PIAS1: variants seen among roughly 807,000 people sequenced by gnomAD.
PIAS1 encodes E3 SUMO-protein ligase PIAS1.
Under a neutral mutation model 71.3 loss-of-function variants are expected in PIAS1, and 6 were observed. The observed-to-expected ratio is 0.08, with a 90% CI of 0.05 to 0.17. The LOEUF is 0.17. Ranked by LOEUF, PIAS1 falls within the 10% of genes least tolerant of loss-of-function variation. The pLI, the probability that PIAS1 is intolerant of heterozygous loss-of-function variation, is 1.00. For synonymous variants in PIAS1, 303 were observed against 292.9 expected (o/e 1.03, Z -0.35); for missense variants, 555 against 793.6 (o/e 0.70, Z 3.61).
At chr15:68,120,646 C>T (rs2092606090) in intron 2 of PIAS1, among the ~76,000 whole-genome samples, 1 of 152,030 alleles carries the variant, frequency 6.6e-6, no homozygotes, top group Non-Finnish European at 1.5e-5. Context: ...ATTTTACGTC[C>T]ATGTAAGTTT....
Position 68,161,223 on chromosome 15 carries a change from TGGGGATACATCACAC to T in PIAS1, c.935-3507_935-3493del, listed in dbSNP as rs1177950187. ...GTAACATCCAAAAATATGAAACACG[TGGGGATACATCACAC>T]AAACTATGTGCAAGATTTGTATGCC... is the stretch of plus-strand genomic sequence containing the variant. On this transcript the variant is annotated intron_variant, in intron 7 of 13. Transcript: ENST00000249636. Among the ~76,000 whole-genome samples, 20 of 152,244 alleles carry T rather than the reference TGGGGATACATCACAC, an allele frequency of 1.3e-4. No individual in the cohort carries two copies. The South Asian group carries it at 3.7e-3, about 28-fold the overall frequency.
chr15:68,109,383 A>T (rs1438089992), intron 2 of PIAS1, among the ~76,000 whole-genome samples: 2 of 152,210 alleles, frequency 1.3e-5, no homozygotes, highest in African/African-American at 4.8e-5. Context: ...ATTACAGTGT[A>T]AATGCCATAA....
At chr15:68,119,631 A>G (rs534159469) in intron 2 of PIAS1, among the ~76,000 whole-genome samples, 51 of 152,338 alleles carry the variant, frequency 3.3e-4, no homozygotes, top group African/African-American at 1.2e-3. Context: ...ATTTGAAAAA[A>G]TACACATTCT....
intron 2 of PIAS1, among the ~76,000 whole-genome samples, chr15:68,094,614 A>T (rs757274877): frequency 6.6e-6 from 1 of 152,010 alleles, no homozygotes; most frequent in African/African-American, 2.4e-5. Context: ...CTTTTTCCAC[A>T]TTCTTAATAT....
chr15:68,149,532 T>C (rs1216869204), intron 6 of PIAS1, among the ~76,000 whole-genome samples: 1 of 152,084 alleles, frequency 6.6e-6, no homozygotes, highest in Non-Finnish European at 1.5e-5. Flanking sequence ...CAAATCTTCT[T>C]TTATGTTCCT....
At position 68,134,374 on chromosome 15, in the gene PIAS1, C is replaced by A. The variant is rs1169766607; in HGVS notation, c.470-7572C>A. On this transcript the variant is annotated intron_variant, in intron 2 of 13. Transcript: ENST00000249636. ...TGGCCGGGCGGGGGGCTGACCCCCC[C>A]ACCTCCCTCCCAGACAGGGCGGCTG... Among the ~76,000 whole-genome samples, 3 of 42,298 alleles carry A rather than the reference C, an allele frequency of 7.1e-5. 1 individual carries two copies. The highest frequency in any genetic ancestry group is 5.5e-4 in the Admixed American group (3 of 5,436). 27.7% of individuals were successfully genotyped at this position (42,298 alleles called of 152,430 possible).
chr15:68,076,263 C>T (rs955359077), intron 1 of PIAS1, among the ~76,000 whole-genome samples: 1 of 152,116 alleles, frequency 6.6e-6, no homozygotes, highest in African/African-American at 2.4e-5. Flanking sequence ...GTAATCCTAT[C>T]ACTTTGGGAG....
rs2092278663 is a variant in PIAS1 at position 68,086,065 on chromosome 15, T to C, written c.25-241T>C. Among the ~76,000 whole-genome samples the C allele has an allele frequency of 1.3e-5, 2 of 152,238 alleles. No individual in the cohort carries two copies. The highest frequency in any genetic ancestry group is 4.8e-5 in the African/African-American group (2 of 41,470). On this transcript the variant is annotated intron_variant, in intron 1 of 13. Transcript: ENST00000249636. This position sits in a 1 kb window ranked among gnomAD's most constrained non-coding sequence, Gnocchi z 7.2. The stretch of plus-strand genomic sequence containing the variant: ...GTGTGGTTTTCCCTGGTGTATACTT[T>C]ATCCTATATTTCTTATAACCAAGGG...
At chr15:68,144,131 A>AG (rs2092791451) in intron 4 of PIAS1, among the ~76,000 whole-genome samples, 1 of 151,844 alleles carries the variant, frequency 6.6e-6, no homozygotes, top group Non-Finnish European at 1.5e-5. Flanking sequence ...AAAAAAAAAA[A>AG]AAAAAGAACC....
At chr15:68,143,544 G>A (rs1431819725) in intron 4 of PIAS1, among the ~76,000 whole-genome samples, 1 of 152,054 alleles carries the variant, frequency 6.6e-6, no homozygotes. Flanking sequence ...GTTTTGGAAG[G>A]CACTGCTAAA....
chr15:68,125,243 G>A (rs1490824793), intron 2 of PIAS1, among the ~76,000 whole-genome samples: 2 of 151,860 alleles, frequency 1.3e-5, no homozygotes. Flanking sequence ...TAAGATGAAT[G>A]TCTAAATTCA....
intron 7 of PIAS1, among the ~76,000 whole-genome samples, chr15:68,154,365 T>G (rs182764986): frequency 1.1e-4 from 16 of 152,332 alleles, no homozygotes; most frequent in Admixed American, 8.5e-4. Context: ...AACTAAGTTC[T>G]TCGTTTATTC....
intron 2 of PIAS1, among the ~76,000 whole-genome samples, chr15:68,120,461 C>G (rs769140940): frequency 7.3e-5 from 11 of 151,658 alleles, no homozygotes; most frequent in Non-Finnish European, 1.0e-4. Context: ...CAATTTTTGT[C>G]TCCTTTGTTG....
rs142212280 is a variant in PIAS1 at position 68,081,135 on chromosome 15, C to T, written c.25-5171C>T. On this transcript the variant is annotated intron_variant, in intron 1 of 13. Coordinates refer to ENST00000249636, the MANE Select transcript of PIAS1 (RefSeq NM_016166.3). ...CTCTGTGTAGTTGGGACAGAGTTTG[C>T]GTACATATATATCTGTGTTTTTGTA... 4.6e-5 allele frequency among the ~76,000 whole-genome samples: 7 copies of T among 152,242 alleles called. No homozygotes were observed. In the East Asian group the frequency reaches 1.2e-3, roughly 25 times the overall value.
In PIAS1 at chr15:68,188,179, T is replaced by A. The variant is rs1379019739; in HGVS notation, c.*344T>A. On this transcript the variant is annotated 3_prime_UTR_variant, in exon 14 of 14. Transcript: ENST00000249636. ...ATTATTTGTCCTATGGTTTTGGTTT[T>A]ATTTGACTTCGATGGCATTATTTTA... 5.9e-6 allele frequency: 1 copy of A among 169,114 alleles called. No individual in the cohort carries two copies. The highest frequency in any genetic ancestry group is 5.9e-5 in the Admixed American group (1 of 16,818). 10.5% of individuals were successfully genotyped at this position (169,114 alleles called of 1,614,324 possible).
In PIAS1 at chr15:68,133,409, A is replaced by C. The variant is rs1595752413; in HGVS notation, c.470-8537A>C. Among the ~76,000 whole-genome samples the C allele has an allele frequency of 3.3e-5, 5 of 152,270 alleles. 1 individual carries two copies. Among genetic ancestry groups the C allele is most frequent in the African/African-American group, 1.2e-4 (5 of 41,580 alleles). Reference sequence around the variant, plus strand: ...TTGAGCTTTAAAAATCATAACAAAAAGATTTGGAAATTCATCTAGATGAAT... The same window carrying C: ...TTGAGCTTTAAAAATCATAACAAAACGATTTGGAAATTCATCTAGATGAAT... On this transcript the variant is annotated intron_variant, in intron 2 of 13. Transcript: ENST00000249636.
At position 68,148,922 on chromosome 15, in the gene PIAS1, G is replaced by A. The variant is rs185637932; in HGVS notation, c.828+2222G>A. On this transcript the variant is annotated intron_variant, in intron 6 of 13. Coordinates refer to ENST00000249636, the MANE Select transcript of PIAS1 (RefSeq NM_016166.3). ...GTGGCGATAGAAATGGAGGTAAGTAGGGGCATCTGCAGGATTGAGTGATGA... is the reference window on the plus strand; with the variant it reads ...GTGGCGATAGAAATGGAGGTAAGTAAGGGCATCTGCAGGATTGAGTGATGA... Among the ~76,000 whole-genome samples the A allele has an allele frequency of 2.6e-4, 39 of 152,158 alleles. 1 individual carries two copies. In the East Asian group the frequency reaches 3.1e-3, roughly 12 times the overall value.
chr15:68,154,351 G>T (rs2092872031), intron 7 of PIAS1, among the ~76,000 whole-genome samples: 1 of 152,196 alleles, frequency 6.6e-6, no homozygotes, highest in Admixed American at 6.5e-5. Context: ...TTTCCAAAGA[G>T]GTGAACTAAG....
chr15:68,096,672 G>A (rs956686533), intron 2 of PIAS1, among the ~76,000 whole-genome samples: 1 of 151,852 alleles, frequency 6.6e-6, no homozygotes, highest in Non-Finnish European at 1.5e-5. Flanking sequence ...TATCCTTCTT[G>A]ATGCTACTGA....
Sources: gnomAD v4.1 joint callset for allele counts (sites outside exome capture counted in the v4.1 genomes callset) on GRCh38, gnomAD v4.1.1 for gene constraint, Gnocchi (gnomAD v3.1) non-coding constraint, MANE v1.5 for transcripts, NCBI Gene and HGNC (gene_info 2026-07-23, HGNC 2026-07-21) for gene names.